Variants in STAMBP observed in about 807,000 individuals in gnomAD.
STAMBP encodes STAM-binding protein.
Under a neutral mutation model 50.7 loss-of-function variants are expected in STAMBP, and 31 were observed. The ratio of observed to expected loss-of-function variants is 0.61; its 90% CI spans 0.46 to 0.83. The LOEUF (loss-of-function observed/expected upper bound fraction) is 0.83. Ranked by LOEUF, STAMBP falls within the 40% of genes least tolerant of loss-of-function variation. The probability of loss-of-function intolerance (pLI) is 0.00; values close to 1 mark genes in which losing one functional copy is unlikely to be tolerated. For missense variants in STAMBP, 472 were observed against 518.9 expected, an observed-to-expected ratio of 0.91 and a Z score of 0.88; for synonymous variants, 211 against 192.4, an observed-to-expected ratio of 1.10 and a Z score of -0.80.
At chr2:73,836,452 C>CTCTGG (rs1235796200) in intron 2 of STAMBP, among the ~76,000 whole-genome samples, 1 of 152,250 alleles carries the variant, frequency 6.6e-6, no homozygotes, top group African/African-American at 2.4e-5. Flanking sequence ...CCACAGACCC[C>CTCTGG]TCTGGTGCCA....
At chr2:73,869,241 A>T (rs555176080), downstream of STAMBP, among the ~76,000 whole-genome samples, 39 of 151,992 alleles carry the variant, frequency 2.6e-4, no homozygotes, top group African/African-American at 9.0e-4. Flanking sequence ...GGTAATAGCC[A>T]TTTGTGATTG....
chr2:73,850,609 G>C lies in STAMBP; in HGVS notation c.1005+96G>C. 1.5e-6 allele frequency: 2 copies of C among 1,334,796 alleles called. No homozygotes were observed. The highest frequency in any genetic ancestry group is 3.4e-5 in the South Asian group (2 of 58,054). The allele number at this position is 1,334,796 out of a possible 1,614,324, so 82.7% of individuals were successfully genotyped here. A position where few individuals can be genotyped will look rare whatever the true frequency, so the allele number is the denominator to read the frequency against. ...CTTTGAACAAAGTCAATTATATCCA[G>C]ATTATTTATTGTTTTTCTCTCTTTT... On this transcript the variant is annotated intron_variant, in intron 7 of 9. Coordinates refer to ENST00000394070, the MANE Select transcript of STAMBP (RefSeq NM_213622.4). The surrounding 1 kb of genome is among the most constrained non-coding windows in gnomAD (Gnocchi z 4.3).
chr2:73,841,401 C>A (rs1445022432), intron 2 of STAMBP, among the ~76,000 whole-genome samples: 3 of 152,030 alleles, frequency 2.0e-5, no homozygotes, highest in Non-Finnish European at 2.9e-5. Flanking sequence ...AAACCCATAG[C>A]AAATATTGAC....
intron 7 of STAMBP, among the ~76,000 whole-genome samples, chr2:73,853,447 G>C (rs1048452038): frequency 2.0e-5 from 3 of 152,200 alleles, no homozygotes; most frequent in Non-Finnish European, 2.9e-5. Context: ...CTTTAGGCCG[G>C]GTGCGGTGGC....
intron 2 of STAMBP, among the ~76,000 whole-genome samples, chr2:73,832,108 T>TATATATATATATATATATGTAC (rs1006072205): frequency 8.1e-6 from 1 of 122,902 alleles, no homozygotes; most frequent in African/African-American, 3.5e-5. Flanking sequence ...TATATATATA[T>TATATATATATATATATATGTAC]ACACATATAT....
chr2:73,851,329 T>G (rs1349494313), intron 7 of STAMBP, among the ~76,000 whole-genome samples: 1 of 152,228 alleles, frequency 6.6e-6, no homozygotes, highest in Non-Finnish European at 1.5e-5. Flanking sequence ...TTGTTCCTTA[T>G]CTGCCAGGGC....
chr2:73,845,633 ATTT>A (rs944316554), intron 4 of STAMBP, among the ~76,000 whole-genome samples: 2 of 136,604 alleles, frequency 1.5e-5, no homozygotes, highest in Non-Finnish European at 3.2e-5. Context: ...TTTTCAAGCT[ATTT>A]TTTTTTTTTT....
At chr2:73,872,004 C>T (rs966464350), downstream of STAMBP, among the ~76,000 whole-genome samples, 5 of 152,060 alleles carry the variant, frequency 3.3e-5, no homozygotes, top group African/African-American at 1.2e-4. Context: ...AACTCCTGAC[C>T]TCAAGGGATC....
chr2:73,834,220 AAAAAAAAAAAAAAAAAATATATAT>A (rs1376971422), intron 2 of STAMBP, among the ~76,000 whole-genome samples: 32 of 21,498 alleles, frequency 1.5e-3, no homozygotes, highest in Non-Finnish European at 2.2e-3. Context: ...AAAAAAAAAA[AAAAAAAAAAAAAAAAAATATATAT>A]ATATATATAT....
intron 8 of STAMBP, among the ~76,000 whole-genome samples, chr2:73,859,718 A>AAAAAAAT (rs1553386363): frequency 1.3e-5 from 2 of 150,410 alleles, no homozygotes; most frequent in African/African-American, 4.9e-5. Flanking sequence ...AAAATATAAT[A>AAAAAAAT]AAAAAATAAA....
chr2:73,859,079 G>A (rs1424438522), intron 7 of STAMBP, among the ~76,000 whole-genome samples, 175 bp from the exon 8 acceptor site: 1 of 152,150 alleles, frequency 6.6e-6, no homozygotes, highest in Non-Finnish European at 1.5e-5. Flanking sequence ...TAAAAATACA[G>A]TGTAATAAAA....
chr2:73,859,723 A>AAT (rs66692961), intron 8 of STAMBP, among the ~76,000 whole-genome samples: 2 of 150,852 alleles, frequency 1.3e-5, no homozygotes, highest in African/African-American at 4.9e-5. Flanking sequence ...ATAATAAAAA[A>AAT]ATAAAAATAA....
At chr2:73,853,709 G>A (rs1677169512) in intron 7 of STAMBP, among the ~76,000 whole-genome samples, 1 of 152,180 alleles carries the variant, frequency 6.6e-6, no homozygotes, top group South Asian at 2.1e-4. Context: ...GCAACAGAGC[G>A]AGACTTGGTC....
Position 73,845,164 on chromosome 2 carries a change from C to G in STAMBP, c.280-3C>G. 6.2e-7 allele frequency: 1 copy of G among 1,613,098 alleles called. No individual in the cohort carries two copies. Among genetic ancestry groups the G allele is most frequent in the Non-Finnish European group, 8.5e-7 (1 of 1,179,470 alleles). On this transcript the variant is annotated splice_polypyrimidine_tract_variant and splice_region_variant and intron_variant, in intron 3 of 9. Transcript: ENST00000394070. ...TAATTCTATTTTCTGTTTTGTGTCTCAGAAATTAAAGGAGATTGCATTTCC... is the reference window on the plus strand; with the variant it reads ...TAATTCTATTTTCTGTTTTGTGTCTGAGAAATTAAAGGAGATTGCATTTCC...
Position 73,850,339 on chromosome 2 carries a change from C to T in STAMBP, c.868-37C>T, listed in dbSNP as rs749335776. ...GGAGTGGAGCAGGGTTGCATGAGCA[C>T]CAGGGAATTGTGACCAGCTGTTTTC... On this transcript the variant is annotated intron_variant, in intron 6 of 9. Coordinates refer to ENST00000394070, the MANE Select transcript of STAMBP (RefSeq NM_213622.4). This position sits in a 1 kb window ranked among gnomAD's most constrained non-coding sequence, Gnocchi z 4.3. 1.9e-6 allele frequency: 3 copies of T among 1,584,368 alleles called. No homozygotes were observed. Among genetic ancestry groups the T allele is most frequent in the Admixed American group, 3.5e-5 (2 of 56,858 alleles).
At chr2:73,872,225 A>G (rs1480381592) in intron 10 of STAMBP, among the ~76,000 whole-genome samples, 1 of 152,208 alleles carries the variant, frequency 6.6e-6, no homozygotes, top group Non-Finnish European at 1.5e-5. Flanking sequence ...CCCATAACCC[A>G]TCTACGCCAC....
intron 2 of STAMBP, among the ~76,000 whole-genome samples, chr2:73,842,503 TTTAC>T (rs1675526202): frequency 6.6e-6 from 1 of 152,224 alleles, no homozygotes; most frequent in African/African-American, 2.4e-5. Context: ...AGGTAAATCA[TTTAC>T]TTACTTGTTT....
At chr2:73,841,678 T>A (rs1406345257) in intron 2 of STAMBP, among the ~76,000 whole-genome samples, 1 of 152,132 alleles carries the variant, frequency 6.6e-6, no homozygotes, top group African/African-American at 2.4e-5. Context: ...GCTAAAAGGT[T>A]GGACACCCCT....
intron 7 of STAMBP, among the ~76,000 whole-genome samples, chr2:73,858,543 A>G (rs1046912741): frequency 6.6e-6 from 1 of 152,170 alleles, no homozygotes; most frequent in Non-Finnish European, 1.5e-5. Flanking sequence ...TAATTAGCAT[A>G]TGCATTATGT....
Sources: gnomAD v4.1 joint callset for allele counts (sites outside exome capture counted in the v4.1 genomes callset) on GRCh38, gnomAD v4.1.1 for gene constraint, Gnocchi (gnomAD v3.1) non-coding constraint, MANE v1.5 for transcripts, NCBI Gene and HGNC (gene_info 2026-07-23, HGNC 2026-07-21) for gene names.